The following PLPP3 variants were observed in gnomAD, a reference collection of about 807,000 sequenced individuals.
The protein encoded by PLPP3 is PAP2 beta.
PLPP3 carries 6 observed loss-of-function variants against 29.6 expected under a neutral mutation model. That is an observed-to-expected ratio of 0.20 (90% CI 0.11 to 0.40). The LOEUF (loss-of-function observed/expected upper bound fraction) is 0.40. Among genes scored for constraint, PLPP3 ranks in the 10% least tolerant of loss-of-function variants. The pLI is 1.00. For missense variants in PLPP3, 308 were observed against 407.7 expected (o/e 0.76, Z 2.11); for synonymous variants, 152 against 159.7 (o/e 0.95, Z 0.36).
At chr1:56,563,844 C>A (rs1332513553) in intron 1 of PLPP3, among the ~76,000 whole-genome samples, 1 of 152,196 alleles carries the variant, frequency 6.6e-6, no homozygotes, top group Non-Finnish European at 1.5e-5. Flanking sequence ...TCACTGCCTG[C>A]CACATATTAA....
rs1454051997 is a variant in PLPP3, at chr1:56,524,331, C to T, written c.521G>A (p.Gly174Asp). 6.2e-7 allele frequency: 1 copy of T among 1,614,040 alleles called. No homozygotes were observed. Residue 174 changes from glycine to aspartate, a missense_variant, in exon 3 of 6, where the codon GGC becomes GAC. Around this residue, in one of 3 missense-constraint regions of PLPP3, gnomAD observed 232 missense variants for 317.2 expected, o/e 0.73. Transcript: ENST00000371250. The surrounding 1 kb of genome is among the most constrained non-coding windows in gnomAD (Gnocchi z 4.3). ...TCTGCATCTGTAGTTCTGAATGTAG[C>T]CTTCAGAGCAGTTGATCTGGCTGAA... is the stretch of plus-strand genomic sequence containing the variant. The part of the protein sequence containing the change: ...PDFSQINCSE[G>D]YIQNYRCRGD...
intron 1 of PLPP3, among the ~76,000 whole-genome samples, chr1:56,551,388 C>G (rs1646038259): frequency 6.6e-6 from 1 of 151,190 alleles, no homozygotes; most frequent in Non-Finnish European, 1.5e-5. Flanking sequence ...CAAGTCCTGG[C>G]AGTGTGATAC....
chr1:56,572,689 T>C (rs1646207766), intron 1 of PLPP3, among the ~76,000 whole-genome samples: 1 of 152,088 alleles, frequency 6.6e-6, no homozygotes, highest in Non-Finnish European at 1.5e-5. Flanking sequence ...TCAGGCAACT[T>C]TGCTGCCAAG....
intron 5 of PLPP3, among the ~76,000 whole-genome samples, 170 bp from the exon 6 acceptor site, chr1:56,496,846 T>C (rs1645634387): frequency 6.6e-6 from 1 of 152,084 alleles, no homozygotes; most frequent in African/African-American, 2.4e-5. Context: ...ATTGTACAGA[T>C]AGGGAAACTG....
chr1:56,531,138 G>C (rs1296409851), intron 2 of PLPP3, among the ~76,000 whole-genome samples: 2 of 152,166 alleles, frequency 1.3e-5, no homozygotes, highest in African/African-American at 2.4e-5. Context: ...TAATGATGAT[G>C]ATGAAGCCTT....
chr1:56,497,178 T>C (rs1645636218), intron 5 of PLPP3, among the ~76,000 whole-genome samples: 3 of 152,208 alleles, frequency 2.0e-5, no homozygotes. Flanking sequence ...CTTAGTGATA[T>C]CAACCATTTG....
chr1:56,573,619 G>A (rs138113283), intron 1 of PLPP3, among the ~76,000 whole-genome samples: 7 of 152,292 alleles, frequency 4.6e-5, no homozygotes, highest in Admixed American at 2.6e-4. Context: ...AGAAGAGTCC[G>A]AGAATCTGTA....
intron 1 of PLPP3, among the ~76,000 whole-genome samples, chr1:56,540,007 T>A (rs560404709): frequency 2.6e-5 from 4 of 152,270 alleles, no homozygotes; most frequent in African/African-American, 9.6e-5. Context: ...TTTTTAATAG[T>A]GCTCACATGA....
At chr1:56,544,946 C>A (rs977747890) in intron 1 of PLPP3, among the ~76,000 whole-genome samples, 3 of 152,164 alleles carry the variant, frequency 2.0e-5, no homozygotes, top group African/African-American at 7.2e-5. Flanking sequence ...AGCAATAGTC[C>A]CATCCATGCA....
rs138789147 is a variant in PLPP3 at position 56,549,961 on chromosome 1, C to T, written c.140-12849G>A. On this transcript the variant is annotated intron_variant, in intron 1 of 5. Coordinates refer to ENST00000371250, the MANE Select transcript of PLPP3 (RefSeq NM_003713.5). ...CCTTATTCTGACCAATAATCCTTTC[C>T]GGGTAAGGAGTATGAGCCTGATTTT... 1.1e-3 allele frequency among the ~76,000 whole-genome samples: 164 copies of T among 152,220 alleles called. 1 individual carries two copies. Among genetic ancestry groups the T allele is most frequent in the African/African-American group, 2.0e-3 (84 of 41,528 alleles).
chr1:56,497,536 A>G lies in PLPP3; in HGVS notation c.811-860T>C, dbSNP rs1471508712. On this transcript the variant is annotated intron_variant, in intron 5 of 5. Transcript: ENST00000371250. ...CAACAGGAGTTTTTACTAAGTAACC[A>G]TAAGCGGCAGCTATCAGTCATGTAA... Among the ~76,000 whole-genome samples the G allele has an allele frequency of 2.0e-5, 3 of 152,358 alleles. No homozygotes were observed. In the East Asian group the frequency reaches 5.8e-4, roughly 29 times the overall value.
At chr1:56,551,604 G>A (rs1031325197) in intron 1 of PLPP3, among the ~76,000 whole-genome samples, 1 of 152,174 alleles carries the variant, frequency 6.6e-6, no homozygotes, top group Admixed American at 6.5e-5. Context: ...GGATCCATGA[G>A]AAACAATCTC....
At chr1:56,569,832 G>A (rs1187656750) in intron 1 of PLPP3, among the ~76,000 whole-genome samples, 2 of 151,944 alleles carry the variant, frequency 1.3e-5, no homozygotes, top group African/African-American at 2.4e-5. Context: ...TCCCAAATAG[G>A]TCCCTGCTTC....
chr1:56,568,356 A>G (rs1646175383), intron 1 of PLPP3, among the ~76,000 whole-genome samples: 1 of 152,184 alleles, frequency 6.6e-6, no homozygotes, highest in Admixed American at 6.5e-5. Flanking sequence ...ATAAAATACC[A>G]TTGCAACCCA....
At position 56,526,638 on chromosome 1, in the gene PLPP3, C is replaced by T. The variant is rs373220669; in HGVS notation, c.298-2084G>A. On this transcript the variant is annotated intron_variant, in intron 2 of 5. Transcript: ENST00000371250. Reference sequence around the variant, plus strand: ...AGCACTGAACTAGGAGTCAAGTAGCCGAGGTTCAAGTCCCTACTTGTTTAG... The same window carrying T: ...AGCACTGAACTAGGAGTCAAGTAGCTGAGGTTCAAGTCCCTACTTGTTTAG... Among the ~76,000 whole-genome samples, 5 of 152,130 alleles carry T rather than the reference C, an allele frequency of 3.3e-5. 1 individual carries two copies. In the South Asian group the frequency reaches 6.2e-4, roughly 19 times the overall value.
intron 4 of PLPP3, among the ~76,000 whole-genome samples, chr1:56,518,503 C>T (rs1224089713): frequency 6.6e-6 from 1 of 152,042 alleles, no homozygotes; most frequent in Non-Finnish European, 1.5e-5. Flanking sequence ...TCTATCAAGT[C>T]CGTGATGAGG....
In PLPP3 at chr1:56,524,526, T is replaced by C. The variant is rs1645840571; in HGVS notation, c.326A>G (p.Tyr109Cys). The C allele has an allele frequency of 1.2e-6, 2 of 1,610,926 alleles. No homozygotes were observed. Among genetic ancestry groups the C allele is most frequent in the Admixed American group, 1.7e-5 (1 of 59,938 alleles). ...AIITGEFYRIYYLKKSRSTIQ... is the reference protein window; with the variant it reads ...AIITGEFYRICYLKKSRSTIQ... ...CGTCGACCGCGACTTCTTCAGGTAA[T>C]AGATCCGGTAGAATTCCCCCGTGAT... is the stretch of plus-strand genomic sequence containing the variant. The change falls in exon 3 of 6, where the codon TAT (tyrosine) becomes TGT (cysteine). Residue 109 changes from tyrosine to cysteine, a missense_variant. Physicochemically the swap from Tyr to Cys is radical, Grantham distance 194. Coordinates refer to ENST00000371250, the MANE Select transcript of PLPP3 (RefSeq NM_003713.5). This position sits in a 1 kb window ranked among gnomAD's most constrained non-coding sequence, Gnocchi z 4.3.
intron 2 of PLPP3, among the ~76,000 whole-genome samples, chr1:56,528,632 A>G (rs1269516481): frequency 1.3e-5 from 2 of 151,980 alleles, no homozygotes; most frequent in African/African-American, 2.4e-5. Context: ...CTAGCAGGAG[A>G]GCCCTCCAAA....
intron 1 of PLPP3, chr1:56,538,745 A>T (rs72664354): frequency 0.072 from 13,789 of 191,678 alleles, 529 homozygotes; most frequent in Non-Finnish European, 0.085. Flanking sequence ...CACATTAAGC[A>T]CTCCAAGAGC....
Sources: gnomAD v4.1 joint callset for allele counts (sites outside exome capture counted in the v4.1 genomes callset) on GRCh38, gnomAD v4.1.1 for gene constraint, gnomAD v4.1.1 regional missense constraint, Gnocchi (gnomAD v3.1) non-coding constraint, MANE v1.5 for transcripts, NCBI Gene and HGNC (gene_info 2026-07-23, HGNC 2026-07-21) for gene names.